APC: variants seen among roughly 807,000 people sequenced by gnomAD.
APC encodes the protein APC regulator of Wnt signaling pathway.
APC carries 72 observed loss-of-function variants against 247.0 expected under a neutral mutation model. The observed-to-expected ratio is 0.29, with a 90% CI of 0.24 to 0.35. APC has a LOEUF of 0.35. APC is among the 10% of genes least tolerant of loss of function. APC has a pLI of 1.00. For synonymous variants in APC, 1,254 were observed against 1,162.5 expected, an observed-to-expected ratio of 1.08 and a Z score of -1.60; for missense variants, 3,400 against 3,360.7, an observed-to-expected ratio of 1.01 and a Z score of -0.29.
At chr5:112,720,126 T>G (rs560755579) in intron 1 of APC, among the ~76,000 whole-genome samples, 6 of 152,294 alleles carry the variant, frequency 3.9e-5, no homozygotes, top group African/African-American at 1.4e-4. Context: ...TGTTAAAAAT[T>G]TAGTATAACA....
At chr5:112,835,465 A>G (rs1764788355) in intron 15 of APC, among the ~76,000 whole-genome samples, 1 of 152,188 alleles carries the variant, frequency 6.6e-6, no homozygotes, top group East Asian at 1.9e-4. Context: ...AGTATAGTAT[A>G]AAAGAGTATG....
At chr5:112,773,984 AT>A (rs1442759573) in intron 4 of APC, among the ~76,000 whole-genome samples, 1 of 152,206 alleles carries the variant, frequency 6.6e-6, no homozygotes, top group African/African-American at 2.4e-5. Flanking sequence ...GGTAGCATAC[AT>A]TGGTATAACA....
At chr5:112,819,971 C>T (rs1055454979) in intron 10 of APC, among the ~76,000 whole-genome samples, 4 of 152,112 alleles carry the variant, frequency 2.6e-5, no homozygotes, top group African/African-American at 9.7e-5. Flanking sequence ...CCTACTGTAC[C>T]ATCCAGCTGT....
intron 9 of APC, 25 bp from the exon 10 acceptor site, chr5:112,818,941 G>A (rs974237910): frequency 1.3e-6 from 2 of 1,523,380 alleles, no homozygotes; most frequent in African/African-American, 2.8e-5. Context: ...TCGTAATTTT[G>A]TTTCTAAACT....
rs149328018 is a variant in APC at position 112,842,203 on chromosome 5, T to A, written c.6609T>A (p.Val2203=). Reference sequence around the variant, plus strand: ...ATAAAAGTTTGATTACTGGAAAAGTTCGATCTAATTCAGAAATTTCAGGCC... The same window carrying A: ...ATAAAAGTTTGATTACTGGAAAAGTACGATCTAATTCAGAAATTTCAGGCC... ...KVYKSLITGK[V]RSNSEISGQM... The change falls in exon 16 of 16, where the codon GTT becomes GTA. Residue 2203 remains valine, a synonymous_variant. Transcript: ENST00000257430. 6.2e-7 allele frequency: 1 copy of A among 1,613,476 alleles called. No homozygotes were observed. Among genetic ancestry groups the A allele is most frequent in the South Asian group, 1.1e-5 (1 of 91,050 alleles).
intron 2 of APC, among the ~76,000 whole-genome samples, chr5:112,762,682 A>C (rs2149769467): frequency 6.6e-6 from 1 of 152,362 alleles, no homozygotes; most frequent in Non-Finnish European, 1.5e-5. Context: ...GGTTACCTCT[A>C]GGAAATGAAG....
At chr5:112,814,417 C>A (rs1355835877) in intron 8 of APC, among the ~76,000 whole-genome samples, 1 of 152,174 alleles carries the variant, frequency 6.6e-6, no homozygotes, top group African/African-American at 2.4e-5. Flanking sequence ...CCATTACGAG[C>A]ATCATTACTT....
At position 112,842,834 on chromosome 5, in the gene APC, G is replaced by T. The variant is rs1256751823; in HGVS notation, c.7240G>T (p.Val2414Leu). Residue 2414 changes from valine to leucine, a missense_variant, in exon 16 of 16, where the codon GTA becomes TTA. By Grantham distance (32) the Val-to-Leu change is conservative. Coordinates refer to ENST00000257430, the MANE Select transcript of APC (RefSeq NM_000038.6). ...TAATGGTAATGGAGCCAATAAAAAGGTAGAACTTTCTAGAATGTCTTCAAC... is the reference window on the plus strand; with the variant it reads ...TAATGGTAATGGAGCCAATAAAAAGTTAGAACTTTCTAGAATGTCTTCAAC... Reference protein sequence around the residue: ...MNNGNGANKKVELSRMSSTKS... With the variant: ...MNNGNGANKKLELSRMSSTKS... 2 of 1,613,720 alleles carry T rather than the reference G, an allele frequency of 1.2e-6. No individual in the cohort carries two copies. Among genetic ancestry groups the T allele is most frequent in the East Asian group, 2.2e-5 (1 of 44,890 alleles).
rs760115941 is a variant in APC at position 112,841,593 on chromosome 5, G to C, written c.5999G>C (p.Ser2000Thr). 1.2e-6 allele frequency: 2 copies of C among 1,613,784 alleles called. No homozygotes were observed. Among genetic ancestry groups the C allele is most frequent in the Non-Finnish European group, 1.7e-6 (2 of 1,179,702 alleles). Residue 2000 changes from serine (S) to threonine (T), a missense_variant, in exon 16 of 16, where the codon AGT becomes ACT. By Grantham distance (58) the Ser-to-Thr change is moderately conservative. Around this residue, in one of 9 missense-constraint regions of APC, gnomAD observed 1,788 missense variants for 1,649.5 expected, o/e 1.08. Coordinates refer to ENST00000257430, the MANE Select transcript of APC (RefSeq NM_000038.6). This position sits in a 1 kb window ranked among gnomAD's most constrained non-coding sequence, Gnocchi z 4.6. Reference protein sequence around the residue: ...TEPPDSQGEPSKPQASGYAPK... With the variant: ...TEPPDSQGEPTKPQASGYAPK... ...CCCCCTGACTCACAGGGAGAACCAA[G>C]TAAACCTCAAGCATCAGGCTATGCT...
In APC at chr5:112,842,271, G is replaced by C. The variant is rs1246580689; in HGVS notation, c.6677G>C (p.Arg2226Pro). 3 of 1,613,874 alleles carry C rather than the reference G, an allele frequency of 1.9e-6. No individual in the cohort carries two copies. The highest frequency in any genetic ancestry group is 1.7e-6 in the Non-Finnish European group (2 of 1,179,912). Residue 2226 changes from arginine (R) to proline (P), a missense_variant, in exon 16 of 16, where the codon CGA (arginine) becomes CCA (proline). Arg to Pro is a moderately radical substitution (Grantham distance 103). Coordinates refer to ENST00000257430, the MANE Select transcript of APC (RefSeq NM_000038.6). ...CAAGCAAACATGCCTTCAATCTCTC[G>C]AGGCAGGACAATGATTCATATTCCA... ...PLQANMPSISRGRTMIHIPGV... is the reference protein window; with the variant it reads ...PLQANMPSISPGRTMIHIPGV...
intron 1 of APC, among the ~76,000 whole-genome samples, chr5:112,747,156 G>A (rs1753778288): frequency 6.6e-6 from 1 of 152,114 alleles, no homozygotes; most frequent in African/African-American, 2.4e-5. Flanking sequence ...TGGGGTGGTG[G>A]TGGTCATTCA....
At chr5:112,739,663 G>A (rs1342043713) in intron 1 of APC, among the ~76,000 whole-genome samples, 1 of 152,138 alleles carries the variant, frequency 6.6e-6, no homozygotes, top group African/African-American at 2.4e-5. Flanking sequence ...GAGCCTTGGC[G>A]TTCAAGACCA....
chr5:112,738,884 A>G (rs1274544619), intron 1 of APC, among the ~76,000 whole-genome samples: 1 of 152,248 alleles, frequency 6.6e-6, no homozygotes, highest in Non-Finnish European at 1.5e-5. Flanking sequence ...ATTTAACATA[A>G]ATCCTATACG....
chr5:112,792,314 T>G (rs745360897), intron 6 of APC, 132 bp from the exon 7 acceptor site: 204 of 595,472 alleles, frequency 3.4e-4, no homozygotes, highest in Non-Finnish European at 2.7e-4. Flanking sequence ...GTGAATATAT[T>G]TATATGTCTA....
Position 112,806,897 on chromosome 5 carries a change from C to T in APC, c.834+5514C>T, listed in dbSNP as rs542949270. On this transcript the variant is annotated intron_variant, in intron 8 of 15. Transcript: ENST00000257430. Reference sequence around the variant, plus strand: ...CATGTAATCCCAGCACTTTGGGAGGCTGAGATGAGTGGATCACTTGAGGTC... The same window carrying T: ...CATGTAATCCCAGCACTTTGGGAGGTTGAGATGAGTGGATCACTTGAGGTC... Among the ~76,000 whole-genome samples, 21 of 152,258 alleles carry T rather than the reference C, an allele frequency of 1.4e-4. No individual in the cohort carries two copies. In the East Asian group the frequency reaches 2.3e-3, roughly 17 times the overall value.
rs730881262 is a variant in APC, at chr5:112,842,892, A to G, written c.7298A>G (p.Glu2433Gly). The G allele has an allele frequency of 8.7e-6, 14 of 1,614,112 alleles. No homozygotes were observed. Among genetic ancestry groups the G allele is most frequent in the Non-Finnish European group, 1.2e-5 (14 of 1,179,966 alleles). ...AGTGGAAGTGAATCTGATAGATCAG[A>G]AAGACCTGTATTAGTACGCCAGTCA... ...KSSGSESDRS[E>G]RPVLVRQSTF... is the part of the protein sequence containing the mutation. The change falls in exon 16 of 16, where the codon GAA (glutamate) becomes GGA (glycine). Residue 2433 changes from glutamate to glycine, a missense_variant. Glu to Gly is a moderately conservative substitution (Grantham distance 98). Coordinates refer to ENST00000257430, the MANE Select transcript of APC (RefSeq NM_000038.6).
intron 7 of APC, among the ~76,000 whole-genome samples, chr5:112,797,647 A>G (rs1760356138): frequency 6.6e-6 from 1 of 152,198 alleles, no homozygotes; most frequent in African/African-American, 2.4e-5. Context: ...ATTGGGTGGA[A>G]TGGGAGCTGT....
At chr5:112,781,725 A>T (rs1758367583) in intron 6 of APC, among the ~76,000 whole-genome samples, 1 of 151,950 alleles carries the variant, frequency 6.6e-6, no homozygotes, top group South Asian at 2.1e-4. Flanking sequence ...CTTGAAGTAT[A>T]GTCTTTATTT....
chr5:112,817,477 A>G (rs1762630151), intron 9 of APC, among the ~76,000 whole-genome samples: 1 of 152,170 alleles, frequency 6.6e-6, no homozygotes, highest in South Asian at 2.1e-4. Context: ...GTCCTCTCCA[A>G]AATTCTATGA....
Sources: gnomAD v4.1 joint callset for allele counts (sites outside exome capture counted in the v4.1 genomes callset) on GRCh38, gnomAD v4.1.1 for gene constraint, gnomAD v4.1.1 regional missense constraint, Gnocchi (gnomAD v3.1) non-coding constraint, MANE v1.5 for transcripts, NCBI Gene and HGNC (gene_info 2026-07-23, HGNC 2026-07-21) for gene names.